PRKD1: variants seen among roughly 807,000 people sequenced by gnomAD.
The protein encoded by PRKD1 is serine/threonine-protein kinase D1.
A neutral mutation model predicts 95.9 loss-of-function variants in PRKD1; 63 were observed. That is an observed-to-expected ratio of 0.66 (90% CI 0.54 to 0.81). PRKD1 has a LOEUF of 0.81. Ranked by LOEUF, PRKD1 falls within the 30% of genes least tolerant of loss-of-function variation. The pLI, the probability that PRKD1 is intolerant of heterozygous loss-of-function variation, is 0.00. For missense variants in PRKD1, 1,048 were observed against 1,165.3 expected, an observed-to-expected ratio of 0.90 and a Z score of 1.47; for synonymous variants, 425 against 423.1, an observed-to-expected ratio of 1.00 and a Z score of -0.05.
chr14:29,745,740 C>T (rs1566576292), intron 1 of PRKD1, among the ~76,000 whole-genome samples: 1 of 152,010 alleles, frequency 6.6e-6, no homozygotes, highest in Non-Finnish European at 1.5e-5. Context: ...CCTCCCAAAG[C>T]ACTTGGATTA....
intron 4 of PRKD1, among the ~76,000 whole-genome samples, chr14:29,644,670 T>C (rs1202012235): frequency 3.3e-5 from 5 of 152,142 alleles, no homozygotes; most frequent in African/African-American, 7.2e-5. Flanking sequence ...TTTGAGGTTA[T>C]AAAAAGTGTT....
At chr14:29,630,491 T>C (rs1879926389) in intron 10 of PRKD1, 3 of 488,970 alleles carry the variant, frequency 6.1e-6, no homozygotes, top group Non-Finnish European at 1.1e-5. Flanking sequence ...AATTGCCTAA[T>C]ACATAGTGTT....
chr14:29,909,014 A>G (rs559127756), intron 1 of PRKD1, among the ~76,000 whole-genome samples: 22 of 152,268 alleles, frequency 1.4e-4, no homozygotes, highest in Non-Finnish European at 2.8e-4. Context: ...GCAAGCGGGA[A>G]CCAGGGCTGC....
chr14:29,894,508 T>C (rs969194193), intron 1 of PRKD1, among the ~76,000 whole-genome samples: 10 of 152,198 alleles, frequency 6.6e-5, no homozygotes, highest in South Asian at 2.1e-4. Context: ...GTGGATATCA[T>C]TGAAATGTTT....
In PRKD1 at chr14:29,721,395, A is replaced by G. The variant is rs376347853; in HGVS notation, c.403+4141T>C. Reference sequence around the variant, plus strand: ...TTAAAACTGTGACTTTATTTGAGGAATTCTTGTAGTCCTTTTCTAGTCTCT... The same window carrying G: ...TTAAAACTGTGACTTTATTTGAGGAGTTCTTGTAGTCCTTTTCTAGTCTCT... On this transcript the variant is annotated intron_variant, in intron 2 of 17. Coordinates refer to ENST00000331968, the MANE Select transcript of PRKD1 (RefSeq NM_002742.3). Among the ~76,000 whole-genome samples the G allele has an allele frequency of 6.2e-4, 95 of 152,370 alleles. 1 individual carries two copies. The South Asian group carries it at 0.017, about 27-fold the overall frequency.
chr14:29,597,756 C>T lies in PRKD1; in HGVS notation c.2169G>A (p.Val723=), dbSNP rs771675698. 1 of 1,609,740 alleles carries T rather than the reference C, an allele frequency of 6.2e-7. No individual in the cohort carries two copies. Among genetic ancestry groups the T allele is most frequent in the African/African-American group, 1.3e-5 (1 of 74,860 alleles). Residue 723 remains valine (V), a splice_region_variant and synonymous_variant, in exon 16 of 18, where the codon GTG becomes GTA. Transcript: ENST00000331968. ...LLASADPFPQ[V]KLCDFGFARI... ...GGGCAAAACCAAAATCACAAAGTTT[C>T]ACCTGTTGATGAAAGGATTTGCAGA...
intron 15 of PRKD1, 52 bp from the exon 16 acceptor site, chr14:29,597,810 G>A: frequency 2.6e-6 from 4 of 1,537,010 alleles, no homozygotes; most frequent in Non-Finnish European, 3.5e-6. Context: ...GTGTGTCTGT[G>A]TGTCTTAGTT....
chr14:29,597,856 C>A, intron 15 of PRKD1, 98 bp from the exon 16 acceptor site: 1 of 1,199,022 alleles, frequency 8.3e-7, no homozygotes, highest in South Asian at 1.6e-5. Context: ...ATTTTAAATA[C>A]TTTACCTTTA....
At chr14:29,922,749 G>A (rs1895165980) in intron 1 of PRKD1, among the ~76,000 whole-genome samples, 1 of 151,970 alleles carries the variant, frequency 6.6e-6, no homozygotes, top group Admixed American at 6.6e-5. Flanking sequence ...AGTCAGATGT[G>A]GTGGCACACA....
At chr14:29,666,286 T>G (rs1386972571) in intron 2 of PRKD1, 78 bp from the exon 3 acceptor site, 10 of 1,449,652 alleles carry the variant, frequency 6.9e-6, no homozygotes, top group Non-Finnish European at 9.4e-6. Context: ...AGATAATAAA[T>G]ATGCCAGTAC....
chr14:29,911,005 T>A (rs766128805), intron 1 of PRKD1, among the ~76,000 whole-genome samples: 1 of 152,266 alleles, frequency 6.6e-6, no homozygotes, highest in Non-Finnish European at 1.5e-5. Context: ...AAATTAAACA[T>A]AGAGAAGTTT....
At chr14:29,725,073 T>C (rs1278789007) in intron 2 of PRKD1, among the ~76,000 whole-genome samples, 1 of 152,194 alleles carries the variant, frequency 6.6e-6, no homozygotes, top group Non-Finnish European at 1.5e-5. Context: ...GGGCTCTGGC[T>C]TCCTCCTTGG....
At chr14:29,856,192 G>C (rs1315395174) in intron 1 of PRKD1, among the ~76,000 whole-genome samples, 2 of 152,038 alleles carry the variant, frequency 1.3e-5, no homozygotes, top group African/African-American at 4.8e-5. Context: ...TCAAAAAATA[G>C]GTACCAGCCT....
At chr14:29,777,399 A>G (rs1888813751) in intron 1 of PRKD1, among the ~76,000 whole-genome samples, 1 of 152,190 alleles carries the variant, frequency 6.6e-6, no homozygotes, top group Admixed American at 6.5e-5. Context: ...CAGGAAACCC[A>G]TCTCACGTGC....
chr14:29,731,816 A>T (rs1886450159), intron 1 of PRKD1, among the ~76,000 whole-genome samples: 1 of 151,262 alleles, frequency 6.6e-6, no homozygotes, highest in Non-Finnish European at 1.5e-5. Flanking sequence ...AAGTTGTTGT[A>T]CACACGTATA....
chr14:29,811,031 A>T (rs958232160), intron 1 of PRKD1, among the ~76,000 whole-genome samples: 5 of 152,210 alleles, frequency 3.3e-5, no homozygotes, highest in African/African-American at 1.2e-4. Flanking sequence ...TGATGCAGTG[A>T]AAACAAGTGG....
intron 13 of PRKD1, among the ~76,000 whole-genome samples, chr14:29,602,532 C>T (rs2333604): frequency 1.3e-5 from 2 of 150,934 alleles, no homozygotes; most frequent in Non-Finnish European, 3.0e-5. Flanking sequence ...CAGGTCCAAG[C>T]GATTCTCCTG....
intron 4 of PRKD1, among the ~76,000 whole-genome samples, chr14:29,648,570 C>T (rs1594393750): frequency 6.6e-6 from 1 of 152,162 alleles, no homozygotes; most frequent in Admixed American, 6.5e-5. Flanking sequence ...GGGACATGAG[C>T]AAGTTTAGCC....
intron 16 of PRKD1, among the ~76,000 whole-genome samples, chr14:29,585,927 T>C (rs551871937): frequency 6.6e-6 from 1 of 152,382 alleles, no homozygotes; most frequent in African/African-American, 2.4e-5. Context: ...TCTGTGCAGC[T>C]ACAGTTGAGC....
Sources: gnomAD v4.1 joint callset for allele counts (sites outside exome capture counted in the v4.1 genomes callset) on GRCh38, gnomAD v4.1.1 for gene constraint, MANE v1.5 for transcripts, NCBI Gene and HGNC (gene_info 2026-07-23, HGNC 2026-07-21) for gene names.